Variants in WDFY3 observed in about 807,000 individuals in gnomAD.
WDFY3 encodes the protein WD repeat and FYVE domain containing 3.
Under a neutral mutation model 409.6 loss-of-function variants are expected in WDFY3, and 66 were observed. The ratio of observed to expected loss-of-function variants is 0.16; its 90% CI spans 0.13 to 0.20. WDFY3 has a LOEUF of 0.20. Among genes scored for constraint, WDFY3 ranks in the 10% least tolerant of loss-of-function variants. WDFY3 has a pLI of 1.00. For synonymous variants in WDFY3, 1,521 were observed against 1,537.1 expected, an observed-to-expected ratio of 0.99 and a Z score of 0.25; for missense variants, 3,031 against 4,298.1, an observed-to-expected ratio of 0.71 and a Z score of 8.24.
chr4:84,786,016 A>G lies in WDFY3; in HGVS notation c.4025T>C (p.Val1342Ala). Reference sequence around the variant, plus strand: ...GGCTTTGCTATCCAATTTGTTATACACTTTCCGGATTCTTGCCACTGTTAG... The same window carrying G: ...GGCTTTGCTATCCAATTTGTTATACGCTTTCCGGATTCTTGCCACTGTTAG... Reference protein sequence around the residue: ...SSLTVARIRKVYNKLDSKAIA... With the variant: ...SSLTVARIRKAYNKLDSKAIA... The change falls in exon 24 of 68, where the codon GTG (valine) becomes GCG (alanine). Residue 1342 changes from valine (V) to alanine (A), a missense_variant. Val to Ala is a moderately conservative substitution (Grantham distance 64). Transcript: ENST00000295888. 2 of 1,613,936 alleles carry G rather than the reference A, an allele frequency of 1.2e-6. No homozygotes were observed. Among genetic ancestry groups the G allele is most frequent in the Non-Finnish European group, 1.7e-6 (2 of 1,179,954 alleles).
chr4:84,960,357 G>C (rs1315823620), intron 1 of WDFY3, among the ~76,000 whole-genome samples: 1 of 152,018 alleles, frequency 6.6e-6, no homozygotes, highest in Non-Finnish European at 1.5e-5. Context: ...CACACCATAT[G>C]TACCTACCTA....
At chr4:84,829,291 A>G (rs1019883812) in intron 8 of WDFY3, 101 bp from the exon 9 acceptor site, 9 of 972,398 alleles carry the variant, frequency 9.3e-6, no homozygotes, top group African/African-American at 6.6e-5. Context: ...AAATTTTAAC[A>G]TATCTGTAAA....
intron 46 of WDFY3, 90 bp from the exon 47 acceptor site, chr4:84,721,662 C>T: frequency 6.7e-7 from 1 of 1,484,128 alleles, no homozygotes; most frequent in Non-Finnish European, 9.0e-7. Flanking sequence ...CTATAGATTT[C>T]CAATTTGAGA....
At chr4:84,903,015 TGAAG>T (rs1244125848) in intron 2 of WDFY3, among the ~76,000 whole-genome samples, 1 of 152,162 alleles carries the variant, frequency 6.6e-6, no homozygotes, top group Non-Finnish European at 1.5e-5. Context: ...TGTTGTTGAA[TGAAG>T]GAAAGTCACA....
Position 84,721,472 on chromosome 4 carries a change from G to T in WDFY3, c.7542C>A (p.Ser2514=). 6.2e-7 allele frequency: 1 copy of T among 1,613,426 alleles called. No homozygotes were observed. The highest frequency in any genetic ancestry group is 8.5e-7 in the Non-Finnish European group (1 of 1,180,034). The change falls in exon 47 of 68, where the codon TCC becomes TCA. Residue 2514 remains serine, a synonymous_variant. Transcript: ENST00000295888. ...TATCTGTTTTCTCCTCCTCTTCTAT[G>T]GAGCTGCCCTCAGCAATCTGGTCTT... ...QLQDQIAEGS[S]IEEEEKTDNA...
intron 32 of WDFY3, among the ~76,000 whole-genome samples, chr4:84,757,460 T>C (rs1369593898): frequency 1.3e-5 from 2 of 152,196 alleles, no homozygotes; most frequent in Non-Finnish European, 2.9e-5. Flanking sequence ...ACTTATTAAA[T>C]GAAAGACCTC....
intron 4 of WDFY3, among the ~76,000 whole-genome samples, chr4:84,850,928 GTTT>G (rs869074191): frequency 2.2e-5 from 1 of 46,250 alleles, no homozygotes; most frequent in African/African-American, 9.2e-5. Context: ...TTATTTATCT[GTTT>G]TTTTTTTTTT....
intron 1 of WDFY3, among the ~76,000 whole-genome samples, chr4:84,935,069 C>T (rs1407113242): frequency 6.6e-6 from 1 of 152,130 alleles, no homozygotes; most frequent in Non-Finnish European, 1.5e-5. Context: ...ATTTTCACTG[C>T]AGAATAATAC....
chr4:84,808,958 T>C (rs1214189504), intron 14 of WDFY3: 2 of 152,292 alleles, frequency 1.3e-5, no homozygotes, highest in South Asian at 2.1e-4. Context: ...AGTTGATACT[T>C]CAAAGCAGAT....
chr4:84,713,019 T>G (rs1302573156), intron 51 of WDFY3, 140 bp downstream of exon 51: 2 of 804,182 alleles, frequency 2.5e-6, no homozygotes, highest in Admixed American at 2.2e-5. Context: ...TTTTCTTCCT[T>G]TAGTTTTCAG....
At chr4:84,890,284 G>C (rs1764766743) in intron 3 of WDFY3, among the ~76,000 whole-genome samples, 1 of 152,048 alleles carries the variant, frequency 6.6e-6, no homozygotes, top group Non-Finnish European at 1.5e-5. Context: ...ATTTTTTGTA[G>C]AGACAGAGTT....
chr4:84,818,651 A>C (rs17368902), intron 12 of WDFY3, among the ~76,000 whole-genome samples: 4,164 of 152,184 alleles, frequency 0.027, 59 homozygotes, highest in South Asian at 0.05. Flanking sequence ...CATTACCTGA[A>C]GGCCTGTTTA....
At chr4:84,867,424 C>T (rs1761539027) in intron 3 of WDFY3, among the ~76,000 whole-genome samples, 5 of 152,194 alleles carry the variant, frequency 3.3e-5, no homozygotes, top group African/African-American at 9.6e-5. Flanking sequence ...TGTTAGTAAG[C>T]GTTTTCAAAC....
chr4:84,966,557 C>G lies in WDFY3; in HGVS notation c.-574G>C, dbSNP rs1464929260. On this transcript the variant is annotated 5_prime_UTR_variant, in exon 1 of 68. Transcript: ENST00000295888. Reference sequence around the variant, plus strand: ...AGCCTCGGCGCTCCTCGGGTTTCTTCTCTCCATCAAGGCCGGGCCGACCCG... The same window carrying G: ...AGCCTCGGCGCTCCTCGGGTTTCTTGTCTCCATCAAGGCCGGGCCGACCCG... Among the ~76,000 whole-genome samples the G allele has an allele frequency of 6.6e-6, 1 of 152,040 alleles. No individual in the cohort carries two copies. Among genetic ancestry groups the G allele is most frequent in the Admixed American group, 6.5e-5 (1 of 15,282 alleles).
intron 44 of WDFY3, among the ~76,000 whole-genome samples, chr4:84,731,007 G>A (rs1026235925): frequency 2.0e-5 from 3 of 152,134 alleles, no homozygotes; most frequent in African/African-American, 7.2e-5. Context: ...ATGTTGGTCA[G>A]GATGGTCTCG....
At chr4:84,855,313 AT>A (rs1225197322) in intron 4 of WDFY3, among the ~76,000 whole-genome samples, 1 of 152,172 alleles carries the variant, frequency 6.6e-6, no homozygotes, top group Non-Finnish European at 1.5e-5. Flanking sequence ...TCAGTACTAT[AT>A]TTTTCTCAAA....
chr4:84,869,663 T>C (rs538577254), intron 3 of WDFY3, among the ~76,000 whole-genome samples: 1 of 152,216 alleles, frequency 6.6e-6, no homozygotes, highest in East Asian at 1.9e-4. Context: ...AAAGACAAAC[T>C]TATGGCCAAA....
intron 18 of WDFY3, among the ~76,000 whole-genome samples, chr4:84,797,272 T>C (rs186953614): frequency 1.3e-5 from 2 of 152,108 alleles, no homozygotes; most frequent in African/African-American, 4.8e-5. Flanking sequence ...AAATGCATGA[T>C]CGTAAAAGTA....
intron 3 of WDFY3, among the ~76,000 whole-genome samples, chr4:84,883,567 A>G (rs796558231): frequency 6.6e-6 from 1 of 152,184 alleles, no homozygotes; most frequent in Non-Finnish European, 1.5e-5. Context: ...ACATTCCATA[A>G]TAAGACCTAA....
Sources: allele counts gnomAD v4.1 joint callset (sites outside exome capture counted in the v4.1 genomes callset), GRCh38; gene constraint gnomAD v4.1.1; transcripts MANE v1.5; gene names NCBI Gene and HGNC (gene_info 2026-07-23, HGNC 2026-07-21).